Variants in GREB1 observed in about 807,000 individuals in gnomAD.
GREB1 encodes protein GREB1.
Under a neutral mutation model 200.7 loss-of-function variants are expected in GREB1, and 106 were observed. The observed-to-expected ratio is 0.53, with a 90% CI of 0.45 to 0.62. The LOEUF (loss-of-function observed/expected upper bound fraction) is 0.62. Ranked by LOEUF, GREB1 falls within the 20% of genes least tolerant of loss-of-function variation. GREB1 has a pLI of 0.00. For synonymous variants in GREB1, 1,132 were observed against 1,092.4 expected, an observed-to-expected ratio of 1.04 and a Z score of -0.72; for missense variants, 2,243 against 2,556.8, an observed-to-expected ratio of 0.88 and a Z score of 2.65.
At chr2:11,567,927 A>G (rs1418733573) in intron 4 of GREB1, among the ~76,000 whole-genome samples, 1 of 152,042 alleles carries the variant, frequency 6.6e-6, no homozygotes, top group Non-Finnish European at 1.5e-5. Context: ...GGTGACTTCC[A>G]CATGTGCCCT....
rs545025999 is a variant in GREB1, at chr2:11,617,674, A to G, written c.3413-614A>G. ...CGAGAGGCTCAGGGGCGAGACGTGC[A>G]GGGCCTGGGTGCGGGGACGGGTGTG... On this transcript the variant is annotated intron_variant, in intron 21 of 32. Transcript: ENST00000381486. Among the ~76,000 whole-genome samples, 14 of 152,276 alleles carry G rather than the reference A, an allele frequency of 9.2e-5. No homozygotes were observed. The East Asian group carries it at 2.7e-3, about 30-fold the overall frequency.
chr2:11,543,921 G>C (rs755838433), intron 1 of GREB1, among the ~76,000 whole-genome samples: 2 of 152,148 alleles, frequency 1.3e-5, no homozygotes, highest in African/African-American at 2.4e-5. Flanking sequence ...GAGGAGTTGG[G>C]TCTGAAGGGT....
chr2:11,563,304 A>G (rs935140297), intron 3 of GREB1, among the ~76,000 whole-genome samples: 5 of 152,172 alleles, frequency 3.3e-5, no homozygotes, highest in African/African-American at 4.8e-5. Context: ...CAGTACGTCA[A>G]TGTTGAACAG....
chr2:11,500,133 C>A (rs1238476601), intron 1 of GREB1, among the ~76,000 whole-genome samples: 1 of 152,120 alleles, frequency 6.6e-6, no homozygotes, highest in Admixed American at 6.5e-5. Flanking sequence ...AGGCATGCAC[C>A]ACCATGCCTG....
intron 30 of GREB1, among the ~76,000 whole-genome samples, chr2:11,635,742 C>G (rs2148444353): frequency 6.6e-6 from 1 of 152,316 alleles, no homozygotes; most frequent in Admixed American, 6.5e-5. Flanking sequence ...AGTTGCATAA[C>G]TATTTGAATG....
At chr2:11,498,978 G>T (rs972657858) in intron 1 of GREB1, among the ~76,000 whole-genome samples, 4 of 152,160 alleles carry the variant, frequency 2.6e-5, no homozygotes, top group Non-Finnish European at 4.4e-5. Flanking sequence ...TTTAAAAAAT[G>T]GTTATGATTT....
At chr2:11,547,421 GTTGT>G (rs373941620) in intron 1 of GREB1, among the ~76,000 whole-genome samples, 2 of 152,260 alleles carry the variant, frequency 1.3e-5, no homozygotes, top group African/African-American at 4.8e-5. Flanking sequence ...AGAAGACAGG[GTTGT>G]TGGCAGGATG....
At chr2:11,592,648 G>A in intron 10 of GREB1, 128 bp from the exon 11 acceptor site, 1 of 579,246 alleles carries the variant, frequency 1.7e-6, no homozygotes, top group Non-Finnish European at 2.8e-6. Context: ...CCCTCCCCTC[G>A]TGCTCCAGCC....
chr2:11,640,423 C>T lies in GREB1; in HGVS notation c.5819C>T (p.Pro1940Leu), dbSNP rs142935587. 3 of 1,614,180 alleles carry T rather than the reference C, an allele frequency of 1.9e-6. No individual in the cohort carries two copies. The highest frequency in any genetic ancestry group is 1.1e-5 in the South Asian group (1 of 91,076). ...FQTANAREDR[P>L]LFFLTGRHI ...ACCGCCAATGCCAGGGAAGACCGGC[C>T]GCTCTTTTTTCTGACGGGACGACAC... Residue 1940 changes from proline to leucine, a missense_variant, in exon 33 of 33, where the codon CCG becomes CTG. Around this residue, in one of 3 missense-constraint regions of GREB1, gnomAD observed 478 missense variants for 616.3 expected, o/e 0.78. Transcript: ENST00000381486. This position sits in a 1 kb window ranked among gnomAD's most constrained non-coding sequence, Gnocchi z 4.6.
chr2:11,565,544 C>T (rs996254132), intron 3 of GREB1, among the ~76,000 whole-genome samples: 1 of 152,192 alleles, frequency 6.6e-6, no homozygotes, highest in South Asian at 2.1e-4. Flanking sequence ...TGTGCCCTTA[C>T]CTGGGACAAG....
At chr2:11,500,702 GTTAC>G (rs1673013247) in intron 1 of GREB1, among the ~76,000 whole-genome samples, 1 of 152,222 alleles carries the variant, frequency 6.6e-6, no homozygotes, top group African/African-American at 2.4e-5. Context: ...GTAACGGACT[GTTAC>G]TTACTAGGGA....
intron 18 of GREB1, 68 bp from the exon 19 acceptor site, chr2:11,612,427 A>T (rs1683016181): frequency 1.1e-5 from 16 of 1,510,472 alleles, no homozygotes; most frequent in Non-Finnish European, 1.5e-5. Context: ...GGCCATCAGG[A>T]TTCCTCTGAG....
chr2:11,525,126 A>T (rs534935401), intron 1 of GREB1, among the ~76,000 whole-genome samples: 3 of 152,300 alleles, frequency 2.0e-5, no homozygotes, highest in Middle Eastern at 6.8e-3. Flanking sequence ...CATGCAGCCA[A>T]ATATGATTAT....
rs780925918 is a variant in GREB1 at position 11,588,819 on chromosome 2, C to T, written c.1233C>T (p.Tyr411=). Residue 411 remains tyrosine, a synonymous_variant, in exon 10 of 33, where the codon TAC becomes TAT. Transcript: ENST00000381486. The stretch of plus-strand genomic sequence containing the variant: ...TCAGCCCCCTCTTGTACACGTGCTA[C>T]CAGAATTCCCAGTCTGTCTCACGGG... The part of the protein sequence containing the change: ...VVVSPLLYTC[Y]QNSQSVSRAY... 1 of 1,614,146 alleles carries T rather than the reference C, an allele frequency of 6.2e-7. No homozygotes were observed. Among genetic ancestry groups the T allele is most frequent in the South Asian group, 1.1e-5 (1 of 91,084 alleles).
chr2:11,599,368 C>G (rs1306812158), intron 15 of GREB1, among the ~76,000 whole-genome samples: 1 of 148,974 alleles, frequency 6.7e-6, no homozygotes, highest in African/African-American at 2.5e-5. Context: ...GAGACGGAGT[C>G]TCACTCTGTC....
intron 9 of GREB1, 151 bp from the exon 10 acceptor site, chr2:11,588,595 C>A: frequency 1.3e-6 from 1 of 751,966 alleles, no homozygotes; most frequent in Non-Finnish European, 2.4e-6. Flanking sequence ...CAGGTGCACT[C>A]AATGAGCAAG....
chr2:11,640,514 C>T lies in GREB1; in HGVS notation c.*60C>T. On this transcript the variant is annotated 3_prime_UTR_variant, in exon 33 of 33. Transcript: ENST00000381486. This position sits in a 1 kb window ranked among gnomAD's most constrained non-coding sequence, Gnocchi z 4.6. ...GCTCAGAGCCCTCATGCTGTTGAGG[C>T]TAAAGGGAGGCCTGGAACGGTGGGG... The T allele has an allele frequency of 6.3e-7, 1 of 1,576,986 alleles. No homozygotes were observed. Among genetic ancestry groups the T allele is most frequent in the Non-Finnish European group, 8.7e-7 (1 of 1,149,168 alleles).
At chr2:11,625,376 A>G in intron 24 of GREB1, 64 bp downstream of exon 24, 1 of 1,514,802 alleles carries the variant, frequency 6.6e-7, no homozygotes, top group Non-Finnish European at 9.1e-7. Flanking sequence ...TAAAGGGATG[A>G]GCTGGATTTT....
chr2:11,591,502 A>G (rs1572846040), intron 10 of GREB1: 1 of 711,512 alleles, frequency 1.4e-6, no homozygotes, highest in East Asian at 2.7e-5. Flanking sequence ...ATCATCAAAG[A>G]CATGCAAATC....
Sources: allele counts gnomAD v4.1 joint callset (sites outside exome capture counted in the v4.1 genomes callset), GRCh38; gene constraint gnomAD v4.1.1; regional missense constraint gnomAD v4.1.1; non-coding constraint Gnocchi (gnomAD v3.1); transcripts MANE v1.5; gene names NCBI Gene and HGNC (gene_info 2026-07-23, HGNC 2026-07-21).